The following KCTD14 variants were observed in gnomAD, a reference collection of about 807,000 sequenced individuals.
KCTD14 encodes potassium channel tetramerization domain containing 14.
A neutral mutation model predicts 5.9 loss-of-function variants in KCTD14; 7 were observed. The observed-to-expected ratio is 1.19, with a 90% confidence interval of 0.68 to 2.23. KCTD14 has a LOEUF of 2.23. Ranked by LOEUF, KCTD14 falls within the 30% of genes most tolerant of loss-of-function variation. KCTD14 has a pLI of 0.00. For synonymous variants in KCTD14, 140 were observed against 133.1 expected, an observed-to-expected ratio of 1.05 and a Z score of -0.36; for missense variants, 342 against 332.2, an observed-to-expected ratio of 1.03 and a Z score of -0.23.
At chr11:78,037,657 A>G (rs1289279571) in intron 2 of KCTD14, among the ~76,000 whole-genome samples, 2 of 152,078 alleles carry the variant, frequency 1.3e-5, no homozygotes, top group East Asian at 1.9e-4. Flanking sequence ...CGTCTCTACT[A>G]AAAATACAAA....
intron 2 of KCTD14, among the ~76,000 whole-genome samples, chr11:78,031,220 T>A: frequency 6.6e-6 from 1 of 151,742 alleles, no homozygotes; most frequent in Non-Finnish European, 1.5e-5. Flanking sequence ...TAATTTTTTT[T>A]ACTTTTTTGT....
At chr11:78,034,311 C>G (rs892306646) in intron 2 of KCTD14, among the ~76,000 whole-genome samples, 1 of 152,096 alleles carries the variant, frequency 6.6e-6, no homozygotes, top group African/African-American at 2.4e-5. Context: ...TTTGTAGAGA[C>G]GAGAACTTCC....
Position 78,016,432 on chromosome 11 carries a change from A to C in KCTD14, c.*161T>G. 1 of 630,740 alleles carries C rather than the reference A, an allele frequency of 1.6e-6. No individual in the cohort carries two copies. Among genetic ancestry groups the C allele is most frequent in the Non-Finnish European group, 2.7e-6 (1 of 365,194 alleles). 39.1% of individuals were successfully genotyped at this position (630,740 alleles called of 1,614,324 possible). ...AATATAGTGGCATCAGTTGCAATGG[A>C]GTGGAAAGTCCTTAAACGAGTGATC... On this transcript the variant is annotated 3_prime_UTR_variant, in exon 2 of 2. Transcript: ENST00000353172.
intron 2 of KCTD14, among the ~76,000 whole-genome samples, chr11:78,033,901 G>GTGTGTGTGTATATATATATATATATATA: frequency 2.6e-5 from 3 of 115,602 alleles, no homozygotes; most frequent in South Asian, 3.0e-4. Flanking sequence ...GTGTGTGTGT[G>GTGTGTGTGTATATATATATATATATATA]TATATATATA....
At position 78,016,594 on chromosome 11, in the gene KCTD14, C is replaced by T. The variant is rs781142806; in HGVS notation, c.767G>A (p.Ter256=). 1.9e-6 allele frequency: 3 copies of T among 1,609,986 alleles called. No individual in the cohort carries two copies. The highest frequency in any genetic ancestry group is 2.2e-5 in the South Asian group (2 of 90,900). The change falls in exon 2 of 2, where the codon TGA becomes TAA. Residue 256 remains the stop codon, a stop_retained_variant. Coordinates refer to ENST00000353172, the MANE Select transcript of KCTD14 (RefSeq NM_023930.4). ...NIYSFTFTWW[*] is the part of the protein sequence containing the mutation. ...CATAACAGTCTCTGCTCCTGAGGAT[C>T]ACCACCAGGTGAAGGTGAATGAATA...
At chr11:78,027,838 A>G (rs1375326390), upstream of KCTD14, among the ~76,000 whole-genome samples, 1 of 152,144 alleles carries the variant, frequency 6.6e-6, no homozygotes, top group Non-Finnish European at 1.5e-5. Flanking sequence ...GGCTTCAGAG[A>G]GAATAGATTG....
At chr11:78,044,091 G>A (rs1364855414) in intron 1 of KCTD14, among the ~76,000 whole-genome samples, 1 of 152,114 alleles carries the variant, frequency 6.6e-6, no homozygotes, top group East Asian at 1.9e-4. Flanking sequence ...AAGCTGGAGG[G>A]GAAATTTCTC....
chr11:78,045,144 C>T (rs1858100326), intron 1 of KCTD14, among the ~76,000 whole-genome samples: 1 of 152,202 alleles, frequency 6.6e-6, no homozygotes, highest in African/African-American at 2.4e-5. Flanking sequence ...CACTTTGTCA[C>T]CCAGGCTGGA....
Position 78,016,261 on chromosome 11 carries a change from T to C in KCTD14, c.*332A>G. 1 of 321,734 alleles carries C rather than the reference T, an allele frequency of 3.1e-6. No individual in the cohort carries two copies. The highest frequency in any genetic ancestry group is 5.8e-6 in the Non-Finnish European group (1 of 173,214). 19.9% of individuals were successfully genotyped at this position (321,734 alleles called of 1,614,324 possible). A position where few individuals can be genotyped will look rare whatever the true frequency, so the allele number is the denominator to read the frequency against. On this transcript the variant is annotated 3_prime_UTR_variant, in exon 2 of 2. Transcript: ENST00000353172. ...TAGGTCAGAACATCTAGATTCACAG[T>C]ATCTTGTATGTTCCTGTTGTCATCT...
chr11:78,022,889 T>C (rs1591178931), intron 1 of KCTD14: 2 of 438,228 alleles, frequency 4.6e-6, no homozygotes, highest in South Asian at 4.0e-5. Flanking sequence ...AAAGACCCAA[T>C]GTAGAGGGAG....
chr11:78,039,073 A>G (rs961876005), intron 1 of KCTD14, among the ~76,000 whole-genome samples: 3 of 151,780 alleles, frequency 2.0e-5, no homozygotes, highest in African/African-American at 7.2e-5. Context: ...GATTACAAAA[A>G]AAAAAAAAAA....
At chr11:78,025,090 G>A (rs1336208202), upstream of KCTD14, among the ~76,000 whole-genome samples, 70 of 35,836 alleles carry the variant, frequency 2.0e-3, 4 homozygotes, top group Admixed American at 3.7e-3. Flanking sequence ...ACACACGTGT[G>A]TGTGTGTGTG....
upstream of KCTD14, among the ~76,000 whole-genome samples, chr11:78,026,294 G>A (rs576999777): frequency 1.3e-5 from 2 of 151,960 alleles, no homozygotes; most frequent in African/African-American, 2.4e-5. Flanking sequence ...AAAATTAGCC[G>A]GGCATGGTGG....
intron 1 of KCTD14, among the ~76,000 whole-genome samples, chr11:78,042,061 C>A (rs1489803363): frequency 1.3e-5 from 2 of 152,156 alleles, no homozygotes; most frequent in African/African-American, 2.4e-5. Flanking sequence ...TGAGCAAGGA[C>A]CCCTGGTAAA....
intron 1 of KCTD14, among the ~76,000 whole-genome samples, chr11:78,043,228 T>C (rs1437283359): frequency 3.3e-5 from 5 of 151,960 alleles, no homozygotes; most frequent in African/African-American, 1.2e-4. Context: ...AATACTCTCA[T>C]GTGTACTATG....
At chr11:78,037,278 C>T (rs1857835292) in intron 2 of KCTD14, among the ~76,000 whole-genome samples, 2 of 152,268 alleles carry the variant, frequency 1.3e-5, no homozygotes, top group African/African-American at 2.4e-5. Context: ...AGCCAGGACA[C>T]ATCCTCTTCC....
upstream of KCTD14, among the ~76,000 whole-genome samples, chr11:78,023,908 A>G (rs1591180164): frequency 6.6e-6 from 1 of 152,080 alleles, no homozygotes; most frequent in South Asian, 2.1e-4. Context: ...AGATCAGAAA[A>G]CTGGCGCTCT....
chr11:78,019,506 C>T (rs1346157551), intron 1 of KCTD14, among the ~76,000 whole-genome samples: 4 of 151,370 alleles, frequency 2.6e-5, no homozygotes, highest in East Asian at 3.9e-4. Context: ...TTTTTAGAGA[C>T]GGGTCTTACT....
At chr11:78,031,933 G>A (rs375281944) in intron 2 of KCTD14, among the ~76,000 whole-genome samples, 2 of 152,214 alleles carry the variant, frequency 1.3e-5, no homozygotes, top group East Asian at 1.9e-4. Context: ...GGTAATGGTG[G>A]ATCACAGATA....
Sources: gnomAD v4.1 joint callset for allele counts (sites outside exome capture counted in the v4.1 genomes callset) on GRCh38, gnomAD v4.1.1 for gene constraint, MANE v1.5 for transcripts, NCBI Gene and HGNC (gene_info 2026-07-23, HGNC 2026-07-21) for gene names.